The following LDLRAD4 variants were observed in gnomAD, a reference collection of about 807,000 sequenced individuals.
LDLRAD4 encodes the protein low density lipoprotein receptor class A domain containing 4, also known as low-density lipoprotein receptor class A domain-containing protein 4.
Under a neutral mutation model 17.0 loss-of-function variants are expected in LDLRAD4, and 5 were observed. The observed-to-expected ratio is 0.29, with a 90% CI of 0.15 to 0.62. LDLRAD4 has a LOEUF of 0.62. Among genes scored for constraint, LDLRAD4 ranks in the 20% least tolerant of loss-of-function variants. LDLRAD4 has a pLI of 0.84. For synonymous variants in LDLRAD4, 168 were observed against 171.8 expected (o/e 0.98, Z 0.17); for missense variants, 340 against 424.7 (o/e 0.80, Z 1.75).
At chr18:13,384,471 A>G (rs2085636736) in intron 1 of LDLRAD4, among the ~76,000 whole-genome samples, 1 of 152,192 alleles carries the variant, frequency 6.6e-6, no homozygotes, top group Non-Finnish European at 1.5e-5. Flanking sequence ...TACTTTTTTT[A>G]TTAACTGTGG....
At chr18:13,314,914 A>G (rs941148894) in intron 1 of LDLRAD4, among the ~76,000 whole-genome samples, 2 of 152,174 alleles carry the variant, frequency 1.3e-5, no homozygotes, top group Non-Finnish European at 2.9e-5. Context: ...TTGTTGTTGT[A>G]GAGATGTTCT....
intron 2 of LDLRAD4, among the ~76,000 whole-genome samples, chr18:13,433,820 C>G (rs1812628417): frequency 6.6e-6 from 1 of 152,100 alleles, no homozygotes; most frequent in Non-Finnish European, 1.5e-5. Flanking sequence ...TAGGACATTC[C>G]CTTTCTCTGA....
At chr18:13,646,623 C>T (rs745889239) in exon 6 of LDLRAD4, 3 of 152,570 alleles carry the variant, frequency 2.0e-5, no homozygotes, top group Non-Finnish European at 4.4e-5. Context: ...TGCAGTGCTG[C>T]CCTCATCCTC....
intron 3 of LDLRAD4, among the ~76,000 whole-genome samples, chr18:13,617,098 C>T (rs904459221): frequency 2.7e-5 from 4 of 150,940 alleles, no homozygotes; most frequent in Non-Finnish European, 4.4e-5. Flanking sequence ...GATGGTGGGG[C>T]CTTTACTTTT....
At chr18:13,418,698 A>T (rs2089165835) in intron 2 of LDLRAD4, among the ~76,000 whole-genome samples, 1 of 152,234 alleles carries the variant, frequency 6.6e-6, no homozygotes. Context: ...ATTTTGAGCT[A>T]TGATTTGCTG....
intron 3 of LDLRAD4, among the ~76,000 whole-genome samples, chr18:13,545,476 C>G (rs2094348211): frequency 6.6e-6 from 1 of 152,048 alleles, no homozygotes; most frequent in Non-Finnish European, 1.5e-5. Context: ...ATTCAATGGC[C>G]CTCCATTGAC....
intron 3 of LDLRAD4, chr18:13,615,287 A>G (rs2039974228): frequency 6.6e-6 from 1 of 152,240 alleles, no homozygotes; most frequent in South Asian, 2.1e-4. Context: ...CCCCTGACCC[A>G]TGATAGGGTC....
In LDLRAD4 at chr18:13,246,329, C is replaced by G. The variant is rs930846954; in HGVS notation, c.-467+27341C>G. ...GTGCAGCCCTGGGGATCTCGCTGCC[C>G]TGGCGCCTGGTGATGTGCATTCTGG... On this transcript the variant is annotated intron_variant, in intron 1 of 5. Transcript: ENST00000399848. Among the ~76,000 whole-genome samples, 50 of 152,242 alleles carry G rather than the reference C, an allele frequency of 3.3e-4. 2 individuals are homozygous for G. Among genetic ancestry groups the G allele is most frequent in the Non-Finnish European group, 1.3e-4 (9 of 68,040 alleles).
chr18:13,639,005 C>A (rs1314463595), intron 4 of LDLRAD4, among the ~76,000 whole-genome samples: 2 of 152,174 alleles, frequency 1.3e-5, no homozygotes, highest in Non-Finnish European at 2.9e-5. Context: ...GTTGTTATTA[C>A]AAGGAAATAG....
intron 3 of LDLRAD4, among the ~76,000 whole-genome samples, chr18:13,452,265 G>A (rs2091881992): frequency 6.6e-6 from 1 of 152,218 alleles, no homozygotes; most frequent in Non-Finnish European, 1.5e-5. Context: ...GGGTCCCAGT[G>A]TGGTGTCCCC....
intron 3 of LDLRAD4, among the ~76,000 whole-genome samples, chr18:13,607,290 C>T (rs1279128680): frequency 1.3e-5 from 2 of 152,190 alleles, no homozygotes; most frequent in East Asian, 3.8e-4. Flanking sequence ...AAAAATGTGC[C>T]TCACAGGGTT....
chr18:13,301,456 C>CAAGCCA (rs2046597069), intron 1 of LDLRAD4, among the ~76,000 whole-genome samples: 1 of 152,052 alleles, frequency 6.6e-6, no homozygotes, highest in Admixed American at 6.5e-5. Flanking sequence ...GGAAGATTCT[C>CAAGCCA]TTAACAGAGC....
intron 3 of LDLRAD4, among the ~76,000 whole-genome samples, chr18:13,465,528 G>A (rs1180053890): frequency 6.6e-6 from 1 of 152,234 alleles, no homozygotes; most frequent in East Asian, 1.9e-4. Context: ...TTTGATTTTG[G>A]AGGAGGATGC....
chr18:13,517,115 T>G (rs1157697684), intron 3 of LDLRAD4, among the ~76,000 whole-genome samples: 1 of 152,228 alleles, frequency 6.6e-6, no homozygotes, highest in Non-Finnish European at 1.5e-5. Flanking sequence ...CCTCCCAAAG[T>G]GCCAGGATTA....
At chr18:13,277,718 GT>G (rs2146216412), upstream of LDLRAD4, among the ~76,000 whole-genome samples, 1 of 152,346 alleles carries the variant, frequency 6.6e-6, no homozygotes, top group East Asian at 1.9e-4. Flanking sequence ...AAAGAAGATG[GT>G]CTTTTCACAG....
At position 13,588,909 on chromosome 18, in the gene LDLRAD4, CTTTTCTTTTTTTTTTCTTT is replaced by C. The variant is rs1333850854; in HGVS notation, c.182-32192_182-32174del. Among the ~76,000 whole-genome samples, 5 of 151,234 alleles carry C rather than the reference CTTTTCTTTTTTTTTTCTTT, an allele frequency of 3.3e-5. No homozygotes were observed. The East Asian group carries it at 7.8e-4, about 23-fold the overall frequency. ...CATCTAGCACTCTGCCATCTTTTTC[CTTTTCTTTTTTTTTTCTTT>C]TTTTCTTTTTTTTTTTTTGAGACAG... On this transcript the variant is annotated intron_variant, in intron 3 of 5. Transcript: ENST00000359446.
intron 1 of LDLRAD4, among the ~76,000 whole-genome samples, chr18:13,309,979 G>A (rs2047136224): frequency 6.6e-6 from 1 of 152,138 alleles, no homozygotes; most frequent in East Asian, 1.9e-4. Flanking sequence ...TAATAGAGCT[G>A]TGCGGGCAGC....
At chr18:13,359,793 A>C (rs1028575253) in intron 1 of LDLRAD4, among the ~76,000 whole-genome samples, 3 of 152,194 alleles carry the variant, frequency 2.0e-5, no homozygotes, top group Non-Finnish European at 2.9e-5. Context: ...CTTTCTGGTG[A>C]CATCTAGATT....
At chr18:13,311,332 C>T (rs902549366) in intron 1 of LDLRAD4, among the ~76,000 whole-genome samples, 1 of 152,248 alleles carries the variant, frequency 6.6e-6, no homozygotes, top group Admixed American at 6.5e-5. Context: ...TGGCACCTGC[C>T]TACCGATCCA....
Sources: gnomAD v4.1 joint callset for allele counts (sites outside exome capture counted in the v4.1 genomes callset) on GRCh38, gnomAD v4.1.1 for gene constraint, MANE v1.5 for transcripts, NCBI Gene and HGNC (gene_info 2026-07-23, HGNC 2026-07-21) for gene names.